PEAK1: variants seen among roughly 807,000 people sequenced by gnomAD.
PEAK1 encodes the protein inactive tyrosine-protein kinase PEAK1.
A neutral mutation model predicts 124.7 loss-of-function variants in PEAK1; 54 were observed. The ratio of observed to expected loss-of-function variants is 0.43; its 90% CI spans 0.35 to 0.54. PEAK1 has a LOEUF of 0.54. Ranked by LOEUF, PEAK1 falls within the 20% of genes least tolerant of loss-of-function variation. The pLI is 0.01. For missense variants in PEAK1, 2,046 were observed against 2,134.5 expected (o/e 0.96, Z 0.82); for synonymous variants, 719 against 760.0 (o/e 0.95, Z 0.89).
chr15:77,302,975 C>T lies in PEAK1; in HGVS notation c.-602-16471G>A, dbSNP rs74759993. 7.3e-3 allele frequency among the ~76,000 whole-genome samples: 1,109 copies of T among 152,306 alleles called. 15 individuals are homozygous for T. The highest frequency in any genetic ancestry group is 0.025 in the African/African-American group (1,053 of 41,572). On this transcript the variant is annotated intron_variant, in intron 2 of 9. Transcript: ENST00000682557. ...TGGCAACCACTGATCTTTTTACCAA[C>T]TCTCTAATTTTGCCTTTACCAGAAT...
rs1209153929 is a variant in PEAK1, at chr15:77,404,713, A to T, written c.-666+15293T>A. On this transcript the variant is annotated intron_variant, in intron 1 of 9. Transcript: ENST00000682557. ...TATATTTGGAGAATGATCATAGGAG[A>T]AGTAGGAGGTAGGATTTATTAATGA... 6 of 942,856 alleles carry T rather than the reference A, an allele frequency of 6.4e-6. No homozygotes were observed. The South Asian group carries it at 2.0e-4, about 31-fold the overall frequency. The allele number at this position is 942,856 out of a possible 1,614,324, so 58.4% of individuals were successfully genotyped here. A position where few individuals can be genotyped will look rare whatever the true frequency, so the allele number is the denominator to read the frequency against.
Position 77,316,150 on chromosome 15 carries a change from C to A in PEAK1, c.-602-29646G>T, listed in dbSNP as rs933387120. 1.4e-4 allele frequency among the ~76,000 whole-genome samples: 22 copies of A among 152,150 alleles called. 1 individual carries two copies. The highest frequency in any genetic ancestry group is 1.1e-3 in the Admixed American group (17 of 15,284). ...CTGTAATGCCACCACAGTATTAACA[C>A]TGTGAGATATATTTTATCAGTTTTG... is the stretch of plus-strand genomic sequence containing the variant. On this transcript the variant is annotated intron_variant, in intron 2 of 9. Transcript: ENST00000682557.
intron 2 of PEAK1, among the ~76,000 whole-genome samples, chr15:77,362,352 TA>T (rs920984372): frequency 1.3e-4 from 19 of 144,332 alleles, no homozygotes; most frequent in African/African-American, 1.0e-4. Flanking sequence ...AATTAAAAAC[TA>T]AAAAAAAAAG....
At chr15:77,262,421 T>C (rs1389996771) in intron 5 of PEAK1, among the ~76,000 whole-genome samples, 5 of 139,128 alleles carry the variant, frequency 3.6e-5, no homozygotes, top group Admixed American at 7.3e-5. Context: ...GAAGATCTAC[T>C]AAGCAAATGG....
At chr15:77,308,767 T>C (rs1275834817) in intron 2 of PEAK1, among the ~76,000 whole-genome samples, 2 of 152,128 alleles carry the variant, frequency 1.3e-5, no homozygotes, top group Non-Finnish European at 2.9e-5. Context: ...TGCTTGCTAA[T>C]GTTGCACAAG....
chr15:77,376,447 T>A (rs984805663), intron 1 of PEAK1, among the ~76,000 whole-genome samples: 1 of 152,066 alleles, frequency 6.6e-6, no homozygotes, highest in African/African-American at 2.4e-5. Context: ...CTTCAGAATA[T>A]ACCTACCCTA....
intron 8 of PEAK1, among the ~76,000 whole-genome samples, chr15:77,151,294 G>C (rs945764183): frequency 7.9e-5 from 12 of 151,684 alleles, no homozygotes; most frequent in African/African-American, 2.9e-4. Flanking sequence ...TGTGTCTTTT[G>C]GCTGCATAAA....
chr15:77,310,818 A>C (rs887855913), intron 2 of PEAK1, among the ~76,000 whole-genome samples: 1 of 152,206 alleles, frequency 6.6e-6, no homozygotes, highest in African/African-American at 2.4e-5. Flanking sequence ...TAACTGATAA[A>C]TGTTTCAGAC....
At chr15:77,371,590 T>C (rs2068645823) in intron 1 of PEAK1, among the ~76,000 whole-genome samples, 1 of 151,874 alleles carries the variant, frequency 6.6e-6, no homozygotes, top group African/African-American at 2.4e-5. Context: ...GGAAACCATA[T>C]AATTTGATTA....
intron 1 of PEAK1, among the ~76,000 whole-genome samples, chr15:77,415,176 T>C (rs950662231): frequency 6.6e-6 from 1 of 152,126 alleles, no homozygotes; most frequent in Non-Finnish European, 1.5e-5. Context: ...AAATGTGAGG[T>C]CTACAATCTG....
chr15:77,390,520 ACT>A (rs775131976), intron 1 of PEAK1, among the ~76,000 whole-genome samples: 6 of 152,038 alleles, frequency 3.9e-5, no homozygotes, highest in Non-Finnish European at 8.8e-5. Context: ...CCTCTGTAAA[ACT>A]CCCAGAACAT....
At position 77,161,019 on chromosome 15, in the gene PEAK1, C is replaced by T. The variant is rs75379085; in HGVS notation, c.3138-2323G>A. 5.1e-3 allele frequency among the ~76,000 whole-genome samples: 784 copies of T among 152,256 alleles called. 4 individuals are homozygous for T. Among genetic ancestry groups the T allele is most frequent in the African/African-American group, 0.016 (671 of 41,550 alleles). ...TAACCTATGAGGAACTCCCTGGGCC[C>T]GCTGCACATGTGTACATATAACACA... is the stretch of plus-strand genomic sequence containing the variant. On this transcript the variant is annotated intron_variant, in intron 7 of 9. Transcript: ENST00000682557.
At chr15:77,413,730 G>A (rs1351820785) in intron 1 of PEAK1, among the ~76,000 whole-genome samples, 3 of 152,198 alleles carry the variant, frequency 2.0e-5, no homozygotes, top group Non-Finnish European at 4.4e-5. Context: ...TTGAAGCATC[G>A]TACCAATACT....
chr15:77,416,416 CTCT>C (rs1189900013), intron 1 of PEAK1, among the ~76,000 whole-genome samples: 1 of 152,202 alleles, frequency 6.6e-6, no homozygotes, highest in East Asian at 1.9e-4. Flanking sequence ...CTCTTCTACA[CTCT>C]TCATCATTTC....
intron 8 of PEAK1, among the ~76,000 whole-genome samples, chr15:77,146,002 C>T (rs542659128): frequency 5.9e-5 from 9 of 152,276 alleles, no homozygotes; most frequent in South Asian, 2.1e-4. Context: ...TTTCAATCTT[C>T]GTCCCTAATT....
At chr15:77,312,102 A>T (rs1191706439) in intron 2 of PEAK1, among the ~76,000 whole-genome samples, 1 of 152,152 alleles carries the variant, frequency 6.6e-6, no homozygotes, top group Admixed American at 6.5e-5. Flanking sequence ...TTTACAAGGT[A>T]GGAAAAACAG....
At chr15:77,403,245 T>TG (rs986994220) in intron 1 of PEAK1, 2 of 985,344 alleles carry the variant, frequency 2.0e-6, no homozygotes, top group African/African-American at 3.5e-5. Context: ...GTCAAGTCTA[T>TG]CTCCCAATAC....
intron 1 of PEAK1, among the ~76,000 whole-genome samples, chr15:77,370,290 G>A (rs2068550627): frequency 1.3e-5 from 2 of 152,128 alleles, no homozygotes; most frequent in African/African-American, 4.8e-5. Flanking sequence ...CCTTTGGAAA[G>A]CTTATAATCC....
At chr15:77,263,507 T>G (rs1040010945) in intron 5 of PEAK1, among the ~76,000 whole-genome samples, 18 of 152,086 alleles carry the variant, frequency 1.2e-4, no homozygotes, top group African/African-American at 2.2e-4. Flanking sequence ...AAATCTAGAA[T>G]AAATGGATAA....
Sources: gnomAD v4.1 joint callset for allele counts (sites outside exome capture counted in the v4.1 genomes callset) on GRCh38, gnomAD v4.1.1 for gene constraint, MANE v1.5 for transcripts, NCBI Gene and HGNC (gene_info 2026-07-23, HGNC 2026-07-21) for gene names.